The following GABPB1 variants were observed in gnomAD, a reference collection of about 807,000 sequenced individuals.
GABPB1 encodes the protein GA-binding protein subunit beta-1.
In GABPB1, 15 loss-of-function variants were observed where a neutral mutation model predicts 45.9. The observed-to-expected ratio is 0.33, with a 90% CI of 0.22 to 0.50. The LOEUF (loss-of-function observed/expected upper bound fraction) is 0.50. Among genes scored for constraint, GABPB1 ranks in the 20% least tolerant of loss-of-function variants. The pLI, the probability that GABPB1 is intolerant of heterozygous loss-of-function variation, is 0.98. For missense variants in GABPB1, 252 were observed against 457.5 expected, an observed-to-expected ratio of 0.55 and a Z score of 4.10; for synonymous variants, 143 against 154.4, an observed-to-expected ratio of 0.93 and a Z score of 0.55.
intron 1 of GABPB1, among the ~76,000 whole-genome samples, chr15:50,319,654 G>A (rs1447107973): frequency 6.6e-6 from 1 of 152,076 alleles, no homozygotes; most frequent in Non-Finnish European, 1.5e-5. Context: ...TGGCCAACAT[G>A]ATGAAACCCC....
intron 1 of GABPB1, among the ~76,000 whole-genome samples, chr15:50,310,369 A>C (rs960986538): frequency 4.6e-5 from 7 of 152,244 alleles, no homozygotes; most frequent in Admixed American, 3.9e-4. Context: ...ATGGGATTAC[A>C]GGCATGAGCC....
chr15:50,332,784 C>G (rs192228560), intron 1 of GABPB1, among the ~76,000 whole-genome samples: 1 of 152,028 alleles, frequency 6.6e-6, no homozygotes, highest in Non-Finnish European at 1.5e-5. Flanking sequence ...CTAGGTAAGA[C>G]AAGGACCTTA....
chr15:50,305,950 T>C (rs1398916508), intron 2 of GABPB1, among the ~76,000 whole-genome samples: 4 of 151,948 alleles, frequency 2.6e-5, no homozygotes, highest in African/African-American at 2.4e-5. Flanking sequence ...CCTGGCCATG[T>C]AGTTTTTGTA....
chr15:50,321,700 T>G (rs535134498), intron 1 of GABPB1, among the ~76,000 whole-genome samples: 2 of 103,222 alleles, frequency 1.9e-5, no homozygotes, highest in East Asian at 4.1e-4. Flanking sequence ...AGACTCCGTC[T>G]CAGAAAAAAA....
At chr15:50,280,569 G>A (rs966164140) in intron 8 of GABPB1, among the ~76,000 whole-genome samples, 3 of 152,018 alleles carry the variant, frequency 2.0e-5, no homozygotes, top group Non-Finnish European at 4.4e-5. Flanking sequence ...TGGGCAACAT[G>A]GCAAAACCCC....
At position 50,306,940 on chromosome 15, in the gene GABPB1, C is replaced by G. The variant is rs189791204; in HGVS notation, c.108+2751G>C. 5.0e-3 allele frequency among the ~76,000 whole-genome samples: 757 copies of G among 151,968 alleles called. 4 individuals are homozygous for G. The highest frequency in any genetic ancestry group is 9.1e-3 in the Non-Finnish European group (619 of 67,970). ...ATAATATTCCATTGAATGAGTAAAC[C>G]ACAATTAATTTAACCAATCTACTGA... On this transcript the variant is annotated intron_variant, in intron 2 of 8. Transcript: ENST00000380877.
At chr15:50,323,226 C>A (rs1331173974) in intron 1 of GABPB1, among the ~76,000 whole-genome samples, 3 of 152,058 alleles carry the variant, frequency 2.0e-5, no homozygotes, top group Non-Finnish European at 2.9e-5. Context: ...TGGCTGCAGG[C>A]ACCACTGCAG....
intron 1 of GABPB1, among the ~76,000 whole-genome samples, chr15:50,328,202 TA>T (rs1384557947): frequency 2.0e-5 from 3 of 151,878 alleles, no homozygotes; most frequent in Admixed American, 6.6e-5. Flanking sequence ...CATTCTAAAT[TA>T]AAAGCTGGTC....
intron 1 of GABPB1, among the ~76,000 whole-genome samples, chr15:50,324,143 G>T (rs972309474): frequency 2.6e-5 from 4 of 151,998 alleles, no homozygotes; most frequent in African/African-American, 9.7e-5. Context: ...GGTCAAGGCT[G>T]CAGTGAGCTG....
intron 8 of GABPB1, 31 bp downstream of exon 8, chr15:50,286,037 G>A (rs759637464): frequency 1.3e-5 from 21 of 1,603,484 alleles, no homozygotes; most frequent in Admixed American, 5.2e-5. Flanking sequence ...GGATGACTGC[G>A]GCAAAGCACA....
intron 1 of GABPB1, among the ~76,000 whole-genome samples, chr15:50,340,107 A>G (rs569339094): frequency 1.4e-4 from 21 of 152,322 alleles, no homozygotes; most frequent in African/African-American, 4.8e-4. Context: ...CATGGATGGA[A>G]TTATTGCCAG....
At chr15:50,340,281 A>G (rs2048302778) in intron 1 of GABPB1, among the ~76,000 whole-genome samples, 1 of 152,138 alleles carries the variant, frequency 6.6e-6, no homozygotes. Flanking sequence ...ATAAGTCACT[A>G]GTTTATATTT....
intron 8 of GABPB1, among the ~76,000 whole-genome samples, chr15:50,279,704 G>A (rs2045916123): frequency 6.6e-6 from 1 of 152,166 alleles, no homozygotes; most frequent in Non-Finnish European, 1.5e-5. Context: ...AAAGCTCAAG[G>A]GTAGTTTCCA....
chr15:50,279,502 T>C (rs2045909939), intron 8 of GABPB1, among the ~76,000 whole-genome samples: 1 of 152,204 alleles, frequency 6.6e-6, no homozygotes, highest in African/African-American at 2.4e-5. Flanking sequence ...GTATAAAATA[T>C]ATGCATTAAA....
chr15:50,278,931 A>C, intron 8 of GABPB1, 147 bp from the exon 9 acceptor site: 1 of 579,310 alleles, frequency 1.7e-6, no homozygotes, highest in South Asian at 2.8e-5. Context: ...TTGCCTTTTC[A>C]ATCAATTCAC....
intron 1 of GABPB1, among the ~76,000 whole-genome samples, chr15:50,313,052 C>T (rs1301008444): frequency 6.6e-6 from 1 of 151,936 alleles, no homozygotes; most frequent in African/African-American, 2.4e-5. Context: ...TGTGCAACTT[C>T]TACATATTAA....
intron 1 of GABPB1, among the ~76,000 whole-genome samples, chr15:50,339,437 T>C (rs2141151643): frequency 6.6e-6 from 1 of 151,896 alleles, no homozygotes; most frequent in East Asian, 1.9e-4. Flanking sequence ...AAGCAGAGGT[T>C]GCAGTGAGTC....
intron 1 of GABPB1, among the ~76,000 whole-genome samples, chr15:50,335,135 C>T (rs2048075371): frequency 6.6e-6 from 1 of 152,154 alleles, no homozygotes; most frequent in Non-Finnish European, 1.5e-5. Flanking sequence ...CCCACCTATG[C>T]TTTGTAAAGA....
chr15:50,341,041 C>G (rs979905896), intron 1 of GABPB1, among the ~76,000 whole-genome samples: 3 of 150,588 alleles, frequency 2.0e-5, no homozygotes, highest in African/African-American at 7.3e-5. Context: ...TTATTACATA[C>G]TCCTCTCAGT....
Sources: gnomAD v4.1 joint callset for allele counts (sites outside exome capture counted in the v4.1 genomes callset) on GRCh38, gnomAD v4.1.1 for gene constraint, MANE v1.5 for transcripts, NCBI Gene and HGNC (gene_info 2026-07-23, HGNC 2026-07-21) for gene names.